Variants in CSMD1 observed in about 807,000 individuals in gnomAD.
The protein encoded by CSMD1 is CUB and sushi domain-containing protein 1.
Under a neutral mutation model 417.5 loss-of-function variants are expected in CSMD1, and 213 were observed. That is an observed-to-expected ratio of 0.51 (90% CI 0.46 to 0.57). The LOEUF is 0.57. CSMD1 is among the 20% of genes least tolerant of loss of function. The pLI, the probability that CSMD1 is intolerant of heterozygous loss-of-function variation, is 0.00. For synonymous variants in CSMD1, 2,862 were observed against 1,736.8 expected, an observed-to-expected ratio of 1.65 and a Z score of -16.11; for missense variants, 6,923 against 4,529.7, an observed-to-expected ratio of 1.53 and a Z score of -15.17.
chr8:4,090,126 C>T (rs1800639004), intron 3 of CSMD1, among the ~76,000 whole-genome samples: 1 of 152,198 alleles, frequency 6.6e-6, no homozygotes, highest in Non-Finnish European at 1.5e-5. Context: ...TCTGGAAGCT[C>T]ATCATTAATA....
At chr8:4,495,347 G>A (rs889197629) in intron 2 of CSMD1, among the ~76,000 whole-genome samples, 21 of 152,260 alleles carry the variant, frequency 1.4e-4, no homozygotes, top group African/African-American at 3.8e-4. Flanking sequence ...AGGCTGAGGC[G>A]GGCGGATCAC....
At chr8:3,228,674 CAT>C (rs1377798780) in intron 27 of CSMD1, among the ~76,000 whole-genome samples, 1 of 151,878 alleles carries the variant, frequency 6.6e-6, no homozygotes, top group Non-Finnish European at 1.5e-5. Context: ...TTTATAATTA[CAT>C]GTTCAAATTA....
chr8:3,207,782 C>G (rs910181452), intron 30 of CSMD1, among the ~76,000 whole-genome samples: 17 of 152,164 alleles, frequency 1.1e-4, no homozygotes, highest in African/African-American at 3.9e-4. Context: ...AGCCTTCATG[C>G]TAGTGTCTTA....
chr8:4,873,436 A>G (rs374621363), intron 1 of CSMD1, among the ~76,000 whole-genome samples: 1 of 152,140 alleles, frequency 6.6e-6, no homozygotes, highest in Non-Finnish European at 1.5e-5. Context: ...AATCTAACTC[A>G]GAGAATATTC....
In CSMD1 at chr8:4,949,377, C is replaced by G. The variant is rs543267790; in HGVS notation, c.85+44955G>C. Among the ~76,000 whole-genome samples the G allele has an allele frequency of 4.1e-4, 62 of 152,222 alleles. 1 individual carries two copies. The highest frequency in any genetic ancestry group is 4.1e-3 in the Admixed American group (62 of 15,256). On this transcript the variant is annotated intron_variant, in intron 1 of 69. Transcript: ENST00000635120. ...ATTTGTAAATGTTTGTGTAAAATTG[C>G]AGTCATCTATACCTTCAACATGTGG...
intron 18 of CSMD1, among the ~76,000 whole-genome samples, chr8:3,385,522 G>C (rs1163141148): frequency 1.3e-5 from 2 of 151,814 alleles, no homozygotes; most frequent in Non-Finnish European, 2.9e-5. Context: ...TTTTGCATTT[G>C]TTAGGATCTT....
chr8:3,798,164 T>C (rs761938417), intron 5 of CSMD1, among the ~76,000 whole-genome samples: 18 of 152,060 alleles, frequency 1.2e-4, no homozygotes, highest in Non-Finnish European at 2.2e-4. Flanking sequence ...TGTAGTCTTT[T>C]ATTAGATAAA....
intron 3 of CSMD1, among the ~76,000 whole-genome samples, chr8:4,295,562 T>A (rs955541267): frequency 6.9e-6 from 1 of 144,990 alleles, no homozygotes; most frequent in Non-Finnish European, 1.5e-5. Flanking sequence ...TAAGATTATA[T>A]GTCATCTTTT....
intron 12 of CSMD1, among the ~76,000 whole-genome samples, chr8:3,426,305 G>C (rs894022379): frequency 1.3e-5 from 2 of 152,120 alleles, no homozygotes; most frequent in African/African-American, 4.8e-5. Context: ...ATTTTTTTAA[G>C]TACCAGAGGT....
At chr8:3,057,565 T>TC (rs34898672) in intron 49 of CSMD1, among the ~76,000 whole-genome samples, 8,405 of 151,366 alleles carry the variant, frequency 0.056, 785 homozygotes, top group African/African-American at 0.19. Flanking sequence ...ATTTTATAGT[T>TC]ATAGTGTTTT....
intron 5 of CSMD1, among the ~76,000 whole-genome samples, chr8:3,927,633 C>T (rs912966292): frequency 6.6e-5 from 10 of 152,072 alleles, no homozygotes; most frequent in Admixed American, 6.6e-4. Flanking sequence ...CCACTGAACT[C>T]CACACTCGGC....
At chr8:3,395,079 G>C (rs1341785058) in intron 17 of CSMD1, among the ~76,000 whole-genome samples, 7 of 152,152 alleles carry the variant, frequency 4.6e-5, no homozygotes, top group Admixed American at 2.6e-4. Flanking sequence ...AAGAGTAATA[G>C]GAGGTGATGT....
intron 16 of CSMD1, among the ~76,000 whole-genome samples, chr8:3,397,489 C>A (rs757992450): frequency 3.1e-4 from 47 of 152,282 alleles, no homozygotes; most frequent in Admixed American, 7.9e-4. Context: ...GGGCCCCATT[C>A]TTCCATAAAG....
At chr8:4,546,331 A>C (rs1266111372) in intron 2 of CSMD1, among the ~76,000 whole-genome samples, 1 of 151,996 alleles carries the variant, frequency 6.6e-6, no homozygotes, top group Admixed American at 6.6e-5. Flanking sequence ...TGTCAACTTC[A>C]CTGGGGTAAG....
intron 12 of CSMD1, among the ~76,000 whole-genome samples, chr8:3,447,232 C>G (rs1815360621): frequency 6.6e-6 from 1 of 152,060 alleles, no homozygotes; most frequent in Admixed American, 6.6e-5. Context: ...CTATCAAACA[C>G]AAATTAACAG....
chr8:3,216,960 G>T (rs1276980155), intron 29 of CSMD1, among the ~76,000 whole-genome samples: 1 of 152,084 alleles, frequency 6.6e-6, no homozygotes, highest in East Asian at 1.9e-4. Context: ...TGCAATCACT[G>T]CCCTAGGCTG....
intron 5 of CSMD1, among the ~76,000 whole-genome samples, chr8:3,959,326 C>G (rs1812168484): frequency 6.6e-6 from 1 of 152,158 alleles, no homozygotes; most frequent in Non-Finnish European, 1.5e-5. Flanking sequence ...GCAAAAAACC[C>G]TGTCTCTACT....
intron 3 of CSMD1, among the ~76,000 whole-genome samples, chr8:4,240,681 C>A (rs936598923): frequency 4.6e-5 from 7 of 152,170 alleles, no homozygotes; most frequent in African/African-American, 9.7e-5. Context: ...GCTCCCATCC[C>A]CTAATGTAAA....
At chr8:3,777,564 C>G (rs1372842168) in intron 5 of CSMD1, among the ~76,000 whole-genome samples, 1 of 152,170 alleles carries the variant, frequency 6.6e-6, no homozygotes, top group Non-Finnish European at 1.5e-5. Flanking sequence ...TCCCTCTAGT[C>G]CACAGGAGAC....
Sources: allele counts gnomAD v4.1 joint callset (sites outside exome capture counted in the v4.1 genomes callset), GRCh38; gene constraint gnomAD v4.1.1; transcripts MANE v1.5; gene names NCBI Gene and HGNC (gene_info 2026-07-23, HGNC 2026-07-21).